The following NEBL variants were observed in gnomAD, a reference collection of about 807,000 sequenced individuals.
The protein encoded by NEBL is LIM and SH3 protein 2.
NEBL carries 122 observed loss-of-function variants against 140.2 expected under a neutral mutation model. The observed-to-expected ratio is 0.87, with a 90% CI of 0.75 to 1.01. The LOEUF (loss-of-function observed/expected upper bound fraction) is 1.01, where lower values mean the gene tolerates loss of function less well. Ranked by LOEUF, NEBL falls within the 50% of genes least tolerant of loss-of-function variation. NEBL has a pLI of 0.00. For missense variants in NEBL, 1,365 were observed against 1,231.3 expected (o/e 1.11, Z -1.62); for synonymous variants, 436 against 398.9 (o/e 1.09, Z -1.11).
At chr10:21,172,521 G>C (rs1374831151) in intron 1 of NEBL, 17 of 1,451,030 alleles carry the variant, frequency 1.2e-5, no homozygotes, top group Non-Finnish European at 1.5e-5. Context: ...TACAATGCCA[G>C]TTCTCACCAG....
At chr10:21,187,470 T>G (rs2132213120) in intron 3 of NEBL, among the ~76,000 whole-genome samples, 1 of 151,724 alleles carries the variant, frequency 6.6e-6, no homozygotes, top group South Asian at 2.1e-4. Flanking sequence ...AATCTTGGCT[T>G]TTTGAATTTA....
chr10:21,088,669 G>C (rs947211116), intron 2 of NEBL, among the ~76,000 whole-genome samples: 2 of 152,274 alleles, frequency 1.3e-5, no homozygotes, highest in Admixed American at 6.5e-5. Flanking sequence ...CAGAGTGCAG[G>C]CATCAGATGC....
intron 2 of NEBL, among the ~76,000 whole-genome samples, chr10:21,069,761 A>C (rs1342925919): frequency 6.6e-6 from 1 of 152,236 alleles, no homozygotes; most frequent in Non-Finnish European, 1.5e-5. Context: ...CTTCTATAGA[A>C]CAAAACAAAG....
chr10:21,009,093 C>A (rs557375815), intron 3 of NEBL, among the ~76,000 whole-genome samples: 19 of 152,064 alleles, frequency 1.2e-4, no homozygotes, highest in African/African-American at 4.1e-4. Flanking sequence ...GTTCTCTGTC[C>A]AATAGCAGAA....
At chr10:21,057,204 T>C (rs1397943723) in intron 2 of NEBL, among the ~76,000 whole-genome samples, 1 of 152,060 alleles carries the variant, frequency 6.6e-6, no homozygotes, top group African/African-American at 2.4e-5. Flanking sequence ...AGAGGTTATA[T>C]GGGGTTTCAG....
chr10:21,215,977 A>T (rs1589332404), intron 3 of NEBL, among the ~76,000 whole-genome samples: 1 of 152,032 alleles, frequency 6.6e-6, no homozygotes, highest in Admixed American at 6.6e-5. Context: ...GCCCTCCCAA[A>T]CTAGTTTCCA....
rs1379459227 is a variant in NEBL at position 20,808,530 on chromosome 10, G to T, written c.2741C>A (p.Thr914Lys). The change falls in exon 26 of 28, where the codon ACA (threonine) becomes AAA (lysine). Residue 914 changes from threonine to lysine, a missense_variant. Physicochemically the swap from Thr to Lys is moderately conservative, Grantham distance 78. Transcript: ENST00000377122. ...YPSFSCCSEV[T>K]RPSDEGAPVL... Reference sequence around the variant, plus strand: ...GATACCTCCTTCATCAGACGGTCTTGTTACCTCACTGCAGCATGAAAAGCT... The same window carrying T: ...GATACCTCCTTCATCAGACGGTCTTTTTACCTCACTGCAGCATGAAAAGCT... The T allele has an allele frequency of 6.2e-7, 1 of 1,613,766 alleles. No homozygotes were observed. Among genetic ancestry groups the T allele is most frequent in the Admixed American group, 1.7e-5 (1 of 59,978 alleles).
chr10:21,266,463 C>T lies in NEBL; in HGVS notation n.183-14635G>A, dbSNP rs188830051. On this transcript the variant is annotated intron_variant and non_coding_transcript_variant, in intron 1 of 8. Transcript: ENST00000675702. ...ACAGCTCATTACTCACGGTAGTTAA[C>T]GTTCTAAAACATTGCTGCAAGCACT... Among the ~76,000 whole-genome samples the T allele has an allele frequency of 1.9e-4, 29 of 152,290 alleles. No individual in the cohort carries two copies. The East Asian group carries it at 4.4e-3, about 23-fold the overall frequency.
chr10:20,985,131 G>A lies in NEBL; in HGVS notation c.250-23352C>T, dbSNP rs181217955. ...TACAATGTAATAATAGACATAAAGT[G>A]TACAATAAATGTAATGTACTTGAAT... is the stretch of plus-strand genomic sequence containing the variant. On this transcript the variant is annotated intron_variant, in intron 3 of 6. Transcript: ENST00000417816. Among the ~76,000 whole-genome samples, 325 of 152,274 alleles carry A rather than the reference G, an allele frequency of 2.1e-3. 1 individual carries two copies. Among genetic ancestry groups the A allele is most frequent in the African/African-American group, 6.9e-3 (287 of 41,552 alleles).
intron 3 of NEBL, among the ~76,000 whole-genome samples, chr10:21,188,691 C>T (rs1474658589): frequency 6.6e-6 from 1 of 151,280 alleles, no homozygotes; most frequent in Non-Finnish European, 1.5e-5. Context: ...ACCTCCGCCT[C>T]CCGGGTTCCA....
At chr10:21,026,274 C>A (rs892506716) in intron 2 of NEBL, among the ~76,000 whole-genome samples, 2 of 152,162 alleles carry the variant, frequency 1.3e-5, no homozygotes, top group Admixed American at 1.3e-4. Context: ...GGGGAAAATA[C>A]TACTGACATC....
intron 3 of NEBL, among the ~76,000 whole-genome samples, chr10:21,209,069 C>G (rs1384199687): frequency 6.6e-6 from 1 of 152,208 alleles, no homozygotes; most frequent in East Asian, 1.9e-4. Context: ...CCTTCTTTCT[C>G]TGCAATCCTT....
chr10:21,080,357 C>G (rs890543140), intron 2 of NEBL, among the ~76,000 whole-genome samples: 18 of 152,160 alleles, frequency 1.2e-4, no homozygotes, highest in African/African-American at 4.3e-4. Context: ...TTTGACTCTT[C>G]TCAATTGTGG....
chr10:20,936,841 A>C (rs1564451423), intron 4 of NEBL, among the ~76,000 whole-genome samples: 2 of 152,206 alleles, frequency 1.3e-5, no homozygotes, highest in Non-Finnish European at 2.9e-5. Context: ...CCTTATGAAT[A>C]AGCTTGGGTC....
intron 3 of NEBL, among the ~76,000 whole-genome samples, chr10:21,002,595 G>A (rs1415605085): frequency 6.6e-6 from 1 of 152,192 alleles, no homozygotes; most frequent in Non-Finnish European, 1.5e-5. Flanking sequence ...TCTGCAGGCT[G>A]TACAGGAAGC....
At chr10:21,058,848 G>C (rs1184944490) in intron 2 of NEBL, among the ~76,000 whole-genome samples, 1 of 152,052 alleles carries the variant, frequency 6.6e-6, no homozygotes, top group Non-Finnish European at 1.5e-5. Context: ...TTAACTATAG[G>C]TACAAAACAT....
chr10:20,799,250 G>T (rs1000046273), intron 26 of NEBL, among the ~76,000 whole-genome samples: 1 of 152,108 alleles, frequency 6.6e-6, no homozygotes, highest in Admixed American at 6.6e-5. Context: ...CCACCTCCCG[G>T]GTTCAAGTGA....
At chr10:21,201,306 A>G (rs1334599001) in intron 3 of NEBL, among the ~76,000 whole-genome samples, 1 of 152,232 alleles carries the variant, frequency 6.6e-6, no homozygotes, top group East Asian at 1.9e-4. Context: ...TGTACTGAAC[A>G]AAAAGTAGTT....
rs542529966 is a variant in NEBL, at chr10:20,859,725, T to C, written c.786A>G (p.Thr262=). Residue 262 remains threonine (T), a synonymous_variant, in exon 8 of 28, where the codon ACA becomes ACG. Transcript: ENST00000377122. The part of the protein sequence containing the change: ...ASFRQNQLAA[T]LASNVKYKKD... The stretch of plus-strand genomic sequence containing the variant: ...AATTACAACTTACATTGCTCGCCAG[T>C]GTAGCAGCAAGCTGATTCTGCCTAA... The C allele has an allele frequency of 1.9e-6, 3 of 1,587,452 alleles. No homozygotes were observed. Among genetic ancestry groups the C allele is most frequent in the South Asian group, 1.1e-5 (1 of 90,030 alleles).
Sources: gnomAD v4.1 joint callset for allele counts (sites outside exome capture counted in the v4.1 genomes callset) on GRCh38, gnomAD v4.1.1 for gene constraint, MANE v1.5 for transcripts, NCBI Gene and HGNC (gene_info 2026-07-23, HGNC 2026-07-21) for gene names.